Variants in BRAF observed in about 807,000 individuals in gnomAD.
BRAF encodes the protein serine/threonine-protein kinase B-raf.
Under a neutral mutation model 104.6 loss-of-function variants are expected in BRAF, and 16 were observed. The ratio of observed to expected loss-of-function variants is 0.15; its 90% CI spans 0.10 to 0.23. BRAF has a LOEUF of 0.23. Among genes scored for constraint, BRAF ranks in the 10% least tolerant of loss-of-function variants. BRAF has a pLI of 1.00. For synonymous variants in BRAF, 310 were observed against 341.6 expected (o/e 0.91, Z 1.02); for missense variants, 541 against 937.3 (o/e 0.58, Z 5.52).
At chr7:140,847,023 C>T (rs1211146884) in intron 2 of BRAF, among the ~76,000 whole-genome samples, 8 of 152,004 alleles carry the variant, frequency 5.3e-5, no homozygotes, top group Admixed American at 2.0e-4. Flanking sequence ...GGAGTCATAA[C>T]GCACACCTGT....
intron 1 of BRAF, among the ~76,000 whole-genome samples, chr7:140,898,835 C>T (rs1212054475): frequency 6.6e-6 from 1 of 152,096 alleles, no homozygotes; most frequent in Non-Finnish European, 1.5e-5. Flanking sequence ...CAGTTAACTG[C>T]ATTTGTTTTT....
intron 13 of BRAF, 118 bp downstream of exon 12, chr7:140,777,873 T>C: frequency 9.8e-7 from 1 of 1,022,436 alleles, no homozygotes; most frequent in Non-Finnish European, 1.5e-6. Flanking sequence ...CATACTCTGT[T>C]TCTACAAATT....
chr7:140,920,251 C>T (rs1188219797), intron 1 of BRAF, among the ~76,000 whole-genome samples: 1 of 152,036 alleles, frequency 6.6e-6, no homozygotes, highest in Non-Finnish European at 1.5e-5. Context: ...TTAACAACAT[C>T]AAAGTGTCAA....
At chr7:140,774,456 C>G (rs190831188) in intron 14 of BRAF, among the ~76,000 whole-genome samples, 1 of 152,170 alleles carries the variant, frequency 6.6e-6, no homozygotes, top group South Asian at 2.1e-4. Flanking sequence ...ACTGTTACTT[C>G]TTGTCTTAAT....
chr7:140,900,340 T>A (rs1356597516), intron 1 of BRAF, among the ~76,000 whole-genome samples: 1 of 152,254 alleles, frequency 6.6e-6, no homozygotes, highest in African/African-American at 2.4e-5. Context: ...AATGTCCCTT[T>A]ATTTTTCTAA....
intron 14 of BRAF, among the ~76,000 whole-genome samples, chr7:140,769,004 C>CT (rs1257876060): frequency 2.0e-5 from 3 of 152,130 alleles, no homozygotes; most frequent in Non-Finnish European, 4.4e-5. Context: ...AAATAAGTTT[C>CT]TTTTTGCAGA....
intron 17 of BRAF, 36 bp downstream of exon 16, chr7:140,749,251 C>T (rs527516446): frequency 3.4e-5 from 55 of 1,609,246 alleles, no homozygotes; most frequent in South Asian, 8.8e-5. Context: ...TGTATATAGA[C>T]GGTAAAATAA....
chr7:140,721,738 A>G lies in BRAF; in HGVS notation c.*4756T>C, dbSNP rs776949866. The G allele has an allele frequency of 4.2e-5, 63 of 1,508,764 alleles. No homozygotes were observed. Among genetic ancestry groups the G allele is most frequent in the Non-Finnish European group, 1.2e-5 (14 of 1,135,270 alleles). The allele number at this position is 1,508,764 out of a possible 1,614,324, so 93.5% of individuals were successfully genotyped here. The stretch of plus-strand genomic sequence containing the variant: ...GACAATACATGGACTTTCTCTTTCA[A>G]TGGTGAGGAATGAAACAAGATACAA... On this transcript the variant is annotated 3_prime_UTR_variant, in exon 20 of 20. Coordinates refer to ENST00000644969, the MANE Select transcript of BRAF (RefSeq NM_001374258.1).
intron 5 of BRAF, among the ~76,000 whole-genome samples, chr7:140,803,740 G>A (rs1310156567): frequency 6.6e-6 from 1 of 152,074 alleles, no homozygotes; most frequent in African/African-American, 2.4e-5. Context: ...GCACTAGGAA[G>A]AATCTATCCC....
At chr7:140,773,233 C>G (rs927285881) in intron 14 of BRAF, 2 of 152,072 alleles carry the variant, frequency 1.3e-5, no homozygotes, top group African/African-American at 4.8e-5. Context: ...AGTTATCCAG[C>G]GATACTCTTA....
intron 2 of BRAF, among the ~76,000 whole-genome samples, chr7:140,849,880 A>G (rs532222419): frequency 2.0e-5 from 3 of 152,252 alleles, no homozygotes; most frequent in East Asian, 3.9e-4. Context: ...CTTGAAATTT[A>G]TATCACTTCC....
intron 12 of BRAF, 101 bp downstream of exon 11, chr7:140,781,475 C>A: frequency 8.7e-7 from 1 of 1,148,788 alleles, no homozygotes; most frequent in Non-Finnish European, 1.3e-6. Flanking sequence ...TTTATTGATG[C>A]GAACAGTGAA....
At chr7:140,777,545 A>G (rs1800455750) in intron 13 of BRAF, among the ~76,000 whole-genome samples, 2 of 152,164 alleles carry the variant, frequency 1.3e-5, no homozygotes, top group Non-Finnish European at 2.9e-5. Context: ...TCTGTGAACT[A>G]AATATCCTCA....
chr7:140,746,776 G>A (rs1190230267), intron 17 of BRAF, among the ~76,000 whole-genome samples: 2 of 150,944 alleles, frequency 1.3e-5, no homozygotes, highest in Non-Finnish European at 2.9e-5. Context: ...GTTGCAGTGA[G>A]CTGAGATCAG....
At chr7:140,753,192 G>T (rs1296553294) in intron 16 of BRAF, 83 bp downstream of exon 15, 2 of 948,532 alleles carry the variant, frequency 2.1e-6, no homozygotes, top group African/African-American at 1.6e-5. Flanking sequence ...TACTATAGTT[G>T]AGACCTTCAA....
At chr7:140,792,556 G>A (rs937857844) in intron 8 of BRAF, among the ~76,000 whole-genome samples, 5 of 152,008 alleles carry the variant, frequency 3.3e-5, no homozygotes, top group South Asian at 2.1e-4. Flanking sequence ...CTTATGTAGT[G>A]TACTCCTACT....
intron 1 of BRAF, among the ~76,000 whole-genome samples, chr7:140,870,072 G>A (rs1338194290): frequency 1.3e-5 from 2 of 152,186 alleles, no homozygotes; most frequent in African/African-American, 4.8e-5. Flanking sequence ...AACATGGAAG[G>A]CAGTGGTGAA....
At chr7:140,795,450 C>T (rs1802402857) in intron 7 of BRAF, among the ~76,000 whole-genome samples, 1 of 152,154 alleles carries the variant, frequency 6.6e-6, no homozygotes, top group Non-Finnish European at 1.5e-5. Context: ...ATCATTCCAC[C>T]CTATTTTATG....
intron 2 of BRAF, among the ~76,000 whole-genome samples, chr7:140,840,642 T>G (rs963116014): frequency 6.6e-6 from 1 of 151,076 alleles, no homozygotes; most frequent in Non-Finnish European, 1.5e-5. Flanking sequence ...AATACAAAAA[T>G]TATCCAGGCA....
Sources: gnomAD v4.1 joint callset for allele counts (sites outside exome capture counted in the v4.1 genomes callset) on GRCh38, gnomAD v4.1.1 for gene constraint, MANE v1.5 for transcripts, NCBI Gene and HGNC (gene_info 2026-07-23, HGNC 2026-07-21) for gene names.